The following SLC24A3 variants were observed in gnomAD, a reference collection of about 807,000 sequenced individuals.
The protein encoded by SLC24A3 is sodium/potassium/calcium exchanger 3.
In SLC24A3, 28 loss-of-function variants were observed where a neutral mutation model predicts 75.8. That is an observed-to-expected ratio of 0.37 (90% CI 0.27 to 0.51). SLC24A3 has a LOEUF of 0.51. Among genes scored for constraint, SLC24A3 ranks in the 20% least tolerant of loss-of-function variants. The pLI is 0.94. For synonymous variants in SLC24A3, 372 were observed against 334.1 expected (o/e 1.11, Z -1.24); for missense variants, 663 against 847.8 (o/e 0.78, Z 2.71).
chr20:19,376,957 G>A (rs1475456170), intron 2 of SLC24A3, among the ~76,000 whole-genome samples: 3 of 152,208 alleles, frequency 2.0e-5, no homozygotes, highest in East Asian at 3.9e-4. Flanking sequence ...TGTTAATTAT[G>A]CAGTTCAGTG....
At chr20:19,715,090 G>A (rs777002246) in intron 15 of SLC24A3, among the ~76,000 whole-genome samples, 2 of 152,334 alleles carry the variant, frequency 1.3e-5, no homozygotes, top group South Asian at 2.1e-4. Flanking sequence ...ACCCAAGGGT[G>A]ACTGAGGATA....
At chr20:19,345,555 A>G (rs1272565718) in intron 2 of SLC24A3, among the ~76,000 whole-genome samples, 1 of 152,198 alleles carries the variant, frequency 6.6e-6, no homozygotes, top group Non-Finnish European at 1.5e-5. Context: ...AAGGACTAAT[A>G]TCCAGAATCT....
intron 1 of SLC24A3, among the ~76,000 whole-genome samples, chr20:19,238,924 A>G (rs1435686746): frequency 6.6e-6 from 1 of 151,402 alleles, no homozygotes; most frequent in African/African-American, 2.4e-5. Context: ...CAAAAAAAGG[A>G]GTTTTATTCC....
intron 6 of SLC24A3, among the ~76,000 whole-genome samples, chr20:19,635,000 A>G (rs1285396635): frequency 1.3e-5 from 2 of 152,202 alleles, no homozygotes; most frequent in African/African-American, 2.4e-5. Context: ...CATTTTTCAT[A>G]TTTGTGCATG....
At chr20:19,215,353 A>G (rs1346847399) in intron 1 of SLC24A3, among the ~76,000 whole-genome samples, 1 of 152,192 alleles carries the variant, frequency 6.6e-6, no homozygotes, top group Non-Finnish European at 1.5e-5. Flanking sequence ...AGTAGAGGAA[A>G]AAACCAACCT....
At chr20:19,254,053 G>T (rs1462703607) in intron 1 of SLC24A3, among the ~76,000 whole-genome samples, 3 of 152,292 alleles carry the variant, frequency 2.0e-5, no homozygotes, top group East Asian at 3.9e-4. Context: ...CAGGTCTTCT[G>T]GTTTTTAAGA....
chr20:19,252,468 G>A (rs1343827856), intron 1 of SLC24A3, among the ~76,000 whole-genome samples: 1 of 152,184 alleles, frequency 6.6e-6, no homozygotes. Context: ...CAATATACTT[G>A]TGGTCATAGG....
At chr20:19,244,282 C>G (rs1055393157) in intron 1 of SLC24A3, 2 of 152,144 alleles carry the variant, frequency 1.3e-5, no homozygotes, top group Admixed American at 6.5e-5. Context: ...GCTACAATGC[C>G]GAGAGGCTGC....
chr20:19,579,884 T>G, intron 3 of SLC24A3, 116 bp from the exon 4 acceptor site: 1 of 735,272 alleles, frequency 1.4e-6, no homozygotes, highest in Non-Finnish European at 2.3e-6. Flanking sequence ...ACTTGGTATT[T>G]AAGGTGTTGA....
intron 7 of SLC24A3, among the ~76,000 whole-genome samples, chr20:19,665,579 T>C (rs1251359179): frequency 5.3e-5 from 8 of 152,202 alleles, no homozygotes; most frequent in African/African-American, 1.9e-4. Flanking sequence ...ACTCTGATGT[T>C]GTACAGAAAT....
intron 2 of SLC24A3, among the ~76,000 whole-genome samples, chr20:19,336,552 A>C (rs1985139715): frequency 6.6e-6 from 1 of 151,944 alleles, no homozygotes; most frequent in South Asian, 2.1e-4. Flanking sequence ...CACCTGGATA[A>C]TTTTTGTATT....
At chr20:19,250,426 A>G (rs1331110116) in intron 1 of SLC24A3, among the ~76,000 whole-genome samples, 1 of 152,232 alleles carries the variant, frequency 6.6e-6, no homozygotes, top group Non-Finnish European at 1.5e-5. Flanking sequence ...CTAAACTTGC[A>G]TAGTTGCTGG....
chr20:19,404,443 C>T (rs927418701), intron 2 of SLC24A3, among the ~76,000 whole-genome samples: 4 of 152,148 alleles, frequency 2.6e-5, no homozygotes, highest in Admixed American at 6.5e-5. Flanking sequence ...CAGTGAGATC[C>T]GCAGTCAGTA....
intron 6 of SLC24A3, among the ~76,000 whole-genome samples, chr20:19,641,539 C>T (rs1325241502): frequency 6.6e-6 from 1 of 152,214 alleles, no homozygotes; most frequent in Non-Finnish European, 1.5e-5. Context: ...CTCGAAATCT[C>T]ATCCACACGG....
intron 1 of SLC24A3, among the ~76,000 whole-genome samples, chr20:19,272,750 G>C (rs1452675555): frequency 6.6e-6 from 1 of 152,222 alleles, no homozygotes; most frequent in Non-Finnish European, 1.5e-5. Flanking sequence ...GTGGTTCAGT[G>C]ATTACCCAGG....
intron 2 of SLC24A3, among the ~76,000 whole-genome samples, chr20:19,507,904 C>T (rs554241701): frequency 2.0e-5 from 3 of 152,310 alleles, no homozygotes; most frequent in African/African-American, 7.2e-5. Context: ...TTGTTGTCCT[C>T]TTTCATGTAT....
At chr20:19,357,845 T>C (rs1043539974) in intron 2 of SLC24A3, among the ~76,000 whole-genome samples, 7 of 152,376 alleles carry the variant, frequency 4.6e-5, no homozygotes, top group Non-Finnish European at 1.0e-4. Context: ...GGGAACCTGC[T>C]AGAGCACACT....
At chr20:19,668,774 T>C (rs1040534878) in intron 8 of SLC24A3, among the ~76,000 whole-genome samples, 2 of 152,216 alleles carry the variant, frequency 1.3e-5, no homozygotes, top group African/African-American at 4.8e-5. Context: ...CTACAGCGTA[T>C]TGAATACATA....
At chr20:19,570,659 T>G (rs1486822956) in intron 3 of SLC24A3, among the ~76,000 whole-genome samples, 1 of 152,150 alleles carries the variant, frequency 6.6e-6, no homozygotes, top group Non-Finnish European at 1.5e-5. Flanking sequence ...AGCTACTTAT[T>G]TTTGAAGTAA....
Sources: gnomAD v4.1 joint callset for allele counts (sites outside exome capture counted in the v4.1 genomes callset) on GRCh38, gnomAD v4.1.1 for gene constraint, MANE v1.5 for transcripts, NCBI Gene and HGNC (gene_info 2026-07-23, HGNC 2026-07-21) for gene names.